The following PRH1 variants were observed in gnomAD, a reference collection of about 807,000 sequenced individuals.
The protein encoded by PRH1 is salivary acidic proline-rich phosphoprotein 1/2.
A neutral mutation model predicts 7.9 loss-of-function variants in PRH1; 7 were observed. The ratio of observed to expected loss-of-function variants is 0.89; its 90% CI spans 0.50 to 1.67. PRH1 has a LOEUF of 1.67. Among genes scored for constraint, PRH1 ranks in the 40% most tolerant of loss-of-function variants. The probability of loss-of-function intolerance (pLI) is 0.00; values close to 1 mark genes in which losing one functional copy is unlikely to be tolerated. For missense variants in PRH1, 109 were observed against 223.6 expected, an observed-to-expected ratio of 0.49 and a Z score of 3.27; for synonymous variants, 45 against 80.8, an observed-to-expected ratio of 0.56 and a Z score of 2.38.
chr12:10,929,093 TCCCAGAAGAAATGAGGGATA>T (rs1950164303), intron 2 of PRH1: 1 of 675,630 alleles, frequency 1.5e-6, no homozygotes, highest in African/African-American at 1.8e-5. Context: ...TAGGCTAGAG[TCCCAGAAGAAATGAGGGATA>T]CACTTGACCT....
intron 2 of PRH1, among the ~76,000 whole-genome samples, chr12:10,890,958 C>T (rs897296969): frequency 6.6e-6 from 1 of 151,976 alleles, no homozygotes; most frequent in African/African-American, 2.4e-5. Flanking sequence ...CCCCAACCCC[C>T]AGAACCAAGT....
rs959013319 is a variant in PRH1 at position 11,029,443 on chromosome 12, A to T, written c.-126+17577T>A. Among the ~76,000 whole-genome samples the T allele has an allele frequency of 8.2e-5, 7 of 85,158 alleles. No homozygotes were observed. In the Admixed American group the frequency reaches 8.5e-4, roughly 10 times the overall value. The allele number at this position is 85,158 out of a possible 152,430, so 55.9% of individuals were successfully genotyped here. ...TATATTTACATTGATTTTATTTTTCAAAAAGAGAGGATTTGAGTTCTCTTA... is the reference window on the plus strand; with the variant it reads ...TATATTTACATTGATTTTATTTTTCTAAAAGAGAGGATTTGAGTTCTCTTA... On this transcript the variant is annotated intron_variant, in intron 1 of 3. Coordinates refer to the PRH1 transcript ENST00000539853.
intron 1 of PRH1, among the ~76,000 whole-genome samples, chr12:11,039,463 A>C (rs559339450): frequency 6.6e-6 from 1 of 152,224 alleles, no homozygotes; most frequent in East Asian, 1.9e-4. Flanking sequence ...TCGTTGTTGA[A>C]GTAAAACCTG....
At chr12:10,958,364 T>C (rs902469800) in intron 2 of PRH1, among the ~76,000 whole-genome samples, 1 of 151,838 alleles carries the variant, frequency 6.6e-6, no homozygotes, top group Non-Finnish European at 1.5e-5. Flanking sequence ...TGAGTACAGA[T>C]GGACACAAAG....
intron 2 of PRH1, among the ~76,000 whole-genome samples, chr12:10,913,188 T>C (rs945210460): frequency 1.3e-5 from 2 of 152,218 alleles, no homozygotes; most frequent in Non-Finnish European, 2.9e-5. Flanking sequence ...CTATTTAGCC[T>C]CACGCCTGAA....
chr12:11,071,523 G>C (rs370676083), intron 1 of PRH1, among the ~76,000 whole-genome samples: 2 of 152,196 alleles, frequency 1.3e-5, no homozygotes, highest in African/African-American at 4.8e-5. Context: ...TTTATCTAAA[G>C]AGCTTGTTTA....
At chr12:10,903,940 A>AAAAAAAAAAAAAAAAAAAACAAC (rs1271332866) in intron 2 of PRH1, among the ~76,000 whole-genome samples, 1 of 144,500 alleles carries the variant, frequency 6.9e-6, no homozygotes, top group Non-Finnish European at 1.5e-5. Context: ...TCAAAAAAAA[A>AAAAAAAAAAAAAAAAAAAACAAC]AAAAAAAAAA....
At chr12:11,065,589 C>G (rs1289313541) in intron 1 of PRH1, among the ~76,000 whole-genome samples, 4 of 152,176 alleles carry the variant, frequency 2.6e-5, no homozygotes, top group Non-Finnish European at 5.9e-5. Flanking sequence ...ATTGGATTCT[C>G]AATATTCATT....
intron 1 of PRH1, among the ~76,000 whole-genome samples, chr12:10,982,152 C>T (rs1416671736): frequency 1.3e-5 from 2 of 152,100 alleles, no homozygotes; most frequent in Non-Finnish European, 2.9e-5. Context: ...TTCTTCCTGA[C>T]CTGTATACCA....
chr12:10,994,068 T>TTCATTCAGA (rs1940080708), intron 1 of PRH1, among the ~76,000 whole-genome samples: 1 of 152,182 alleles, frequency 6.6e-6, no homozygotes, highest in African/African-American at 2.4e-5. Context: ...TCAGCCATGA[T>TTCATTCAGA]TGGAGGGCAT....
intron 1 of PRH1, among the ~76,000 whole-genome samples, chr12:10,976,161 C>CACA: frequency 6.6e-6 from 1 of 152,168 alleles, no homozygotes; most frequent in South Asian, 2.1e-4. Flanking sequence ...AAATGAACCA[C>CACA]ACAATCTAAC....
chr12:11,062,159 G>T, intron 1 of PRH1: 1 of 1,613,540 alleles, frequency 6.2e-7, no homozygotes, highest in Non-Finnish European at 8.5e-7. Context: ...GTGAGAATTT[G>T]GTCAGCAAAA....
chr12:11,097,932 T>A (rs1163610128), intron 1 of PRH1, among the ~76,000 whole-genome samples: 2 of 94,748 alleles, frequency 2.1e-5, no homozygotes, highest in East Asian at 5.3e-4. Context: ...TCATCAAGAA[T>A]AATGTAAAAC....
rs1465333384 is a variant in PRH1, at chr12:11,061,949, G to A, written n.124-14761C>T. On this transcript the variant is annotated intron_variant and non_coding_transcript_variant, in intron 1 of 4. Transcript: ENST00000541977. ...CTCCTCTTTAAGTGAAGAAAAATAA[G>A]GTTGGAGAAATTGGCAATCTTGAGC... The A allele has an allele frequency of 2.5e-6, 4 of 1,613,988 alleles. No homozygotes were observed. In the East Asian group the frequency reaches 6.7e-5, roughly 27 times the overall value.
chr12:10,998,096 C>T (rs893851021), intron 1 of PRH1, among the ~76,000 whole-genome samples: 3 of 152,126 alleles, frequency 2.0e-5, no homozygotes, highest in African/African-American at 7.2e-5. Flanking sequence ...AGTCCCAAAA[C>T]AACTCAAATT....
At chr12:10,922,922 G>A (rs189385943) in intron 2 of PRH1, among the ~76,000 whole-genome samples, 4 of 139,320 alleles carry the variant, frequency 2.9e-5, no homozygotes, top group Non-Finnish European at 4.6e-5. Context: ...TCCGCTTCCC[G>A]GGTTCACGCC....
chr12:10,996,728 T>C (rs1447409685), intron 1 of PRH1: 8 of 349,338 alleles, frequency 2.3e-5, no homozygotes, highest in Non-Finnish European at 3.5e-5. Context: ...ATGGTAAATA[T>C]TAAATTTTCA....
At chr12:10,927,886 C>T (rs1327668175) in intron 2 of PRH1, among the ~76,000 whole-genome samples, 1 of 152,148 alleles carries the variant, frequency 6.6e-6, no homozygotes, top group East Asian at 1.9e-4. Context: ...AATTGAGGAA[C>T]AGGGAATTTC....
At chr12:10,914,881 C>T (rs1949951606) in intron 2 of PRH1, among the ~76,000 whole-genome samples, 1 of 152,188 alleles carries the variant, frequency 6.6e-6, no homozygotes, top group African/African-American at 2.4e-5. Context: ...GTAATCCCAG[C>T]ACTTTGGGAG....
Sources: allele counts gnomAD v4.1 joint callset (sites outside exome capture counted in the v4.1 genomes callset), GRCh38; gene constraint gnomAD v4.1.1; transcripts MANE v1.5; gene names NCBI Gene and HGNC (gene_info 2026-07-23, HGNC 2026-07-21).